The following RBFOX1 variants were observed in gnomAD, a reference collection of about 807,000 sequenced individuals.
RBFOX1 encodes RNA binding fox-1 homolog 1.
RBFOX1 carries 8 observed loss-of-function variants against 57.7 expected under a neutral mutation model. That is an observed-to-expected ratio of 0.14 (90% CI 0.08 to 0.25). The LOEUF (loss-of-function observed/expected upper bound fraction) is 0.25. Among genes scored for constraint, RBFOX1 ranks in the 10% least tolerant of loss-of-function variants. The pLI, the probability that RBFOX1 is intolerant of heterozygous loss-of-function variation, is 1.00. For synonymous variants in RBFOX1, 326 were observed against 222.4 expected (o/e 1.47, Z -4.15); for missense variants, 611 against 548.5 (o/e 1.11, Z -1.14).
intron 4 of RBFOX1, among the ~76,000 whole-genome samples, chr16:7,353,551 A>G (rs569766877): frequency 6.6e-6 from 1 of 152,356 alleles, no homozygotes; most frequent in African/African-American, 2.4e-5. Flanking sequence ...AAAGCATGGA[A>G]ACAGGCTAAA....
At chr16:5,564,862 C>T (rs1036728967) in intron 2 of RBFOX1, among the ~76,000 whole-genome samples, 4 of 152,132 alleles carry the variant, frequency 2.6e-5, no homozygotes, top group Non-Finnish European at 5.9e-5. Context: ...CATCTCACCT[C>T]TTGGATGAGG....
intron 4 of RBFOX1, among the ~76,000 whole-genome samples, chr16:7,477,159 A>C (rs1034089133): frequency 6.6e-6 from 1 of 152,186 alleles, no homozygotes; most frequent in African/African-American, 2.4e-5. Context: ...CACAAAACCA[A>C]CTACAAATAA....
At chr16:7,553,056 A>T (rs1004801171) in intron 5 of RBFOX1, among the ~76,000 whole-genome samples, 1 of 151,950 alleles carries the variant, frequency 6.6e-6, no homozygotes, top group Non-Finnish European at 1.5e-5. Context: ...GAAACAAGGT[A>T]TGTGCTCCTT....
In RBFOX1 at chr16:7,594,188, T is replaced by C. The variant is rs534201887; in HGVS notation, c.469-1361T>C. Among the ~76,000 whole-genome samples the C allele has an allele frequency of 2.0e-5, 3 of 151,994 alleles. No homozygotes were observed. The East Asian group carries it at 5.8e-4, about 30-fold the overall frequency. ...CCCCGCCCTGTGGTCAATACCTCTTTAGCCTTAAATTTGGAGGTGATTATA... is the reference window on the plus strand; with the variant it reads ...CCCCGCCCTGTGGTCAATACCTCTTCAGCCTTAAATTTGGAGGTGATTATA... On this transcript the variant is annotated intron_variant, in intron 7 of 15. Coordinates refer to ENST00000550418, the MANE Select transcript of RBFOX1 (RefSeq NM_018723.4).
At chr16:5,276,242 C>T (rs2878015) in intron 1 of RBFOX1, among the ~76,000 whole-genome samples, 22,593 of 152,134 alleles carry the variant, frequency 0.15, 1,733 homozygotes, top group African/African-American at 0.19. Flanking sequence ...GCAGAGTAAA[C>T]AGATCACCCA....
chr16:7,159,528 T>G (rs1375328446), intron 4 of RBFOX1, among the ~76,000 whole-genome samples: 1 of 152,200 alleles, frequency 6.6e-6, no homozygotes, highest in Non-Finnish European at 1.5e-5. Context: ...GCGCTAGGAC[T>G]ATAGCTTCCA....
chr16:6,688,703 T>C (rs1013937512), intron 3 of RBFOX1, among the ~76,000 whole-genome samples: 3 of 152,142 alleles, frequency 2.0e-5, no homozygotes, highest in Non-Finnish European at 4.4e-5. Context: ...GTTTGTTACA[T>C]AGGTATACAC....
intron 1 of RBFOX1, among the ~76,000 whole-genome samples, chr16:6,226,113 A>C (rs1308787362): frequency 6.6e-6 from 1 of 151,008 alleles, no homozygotes; most frequent in African/African-American, 2.4e-5. Context: ...TAATCCCAGC[A>C]CTTTGGGAGG....
rs1354689437 is a variant in RBFOX1 at position 6,144,856 on chromosome 16, T to C, written c.-127+124864T>C. On this transcript the variant is annotated intron_variant, in intron 1 of 15. Transcript: ENST00000550418. ...ATTGGAACAAACTGTGAATCATCCCTCTTATGCAAGTGCTTGACAGAATAG... is the reference window on the plus strand; with the variant it reads ...ATTGGAACAAACTGTGAATCATCCCCCTTATGCAAGTGCTTGACAGAATAG... Among the ~76,000 whole-genome samples, 10 of 152,318 alleles carry C rather than the reference T, an allele frequency of 6.6e-5. No homozygotes were observed. In the East Asian group the frequency reaches 1.9e-3, roughly 29 times the overall value.
intron 4 of RBFOX1, among the ~76,000 whole-genome samples, chr16:5,906,951 G>T (rs2058473719): frequency 6.6e-6 from 1 of 151,814 alleles, no homozygotes; most frequent in African/African-American, 2.4e-5. Flanking sequence ...TGGTCAGGCT[G>T]GTCTTGAACT....
At chr16:6,325,322 A>C (rs1284480977) in intron 2 of RBFOX1, among the ~76,000 whole-genome samples, 2 of 152,226 alleles carry the variant, frequency 1.3e-5, no homozygotes, top group Non-Finnish European at 2.9e-5. Flanking sequence ...GTGGCACTGC[A>C]CACCAACCTG....
chr16:6,906,436 G>A (rs1476807467), intron 3 of RBFOX1, among the ~76,000 whole-genome samples: 1 of 152,044 alleles, frequency 6.6e-6, no homozygotes, highest in Non-Finnish European at 1.5e-5. Context: ...AATAGCCTCT[G>A]GCCTGTGGAA....
Position 6,936,729 on chromosome 16 carries a change from C to G in RBFOX1, c.-15-115328C>G, listed in dbSNP as rs1281555434. 2.6e-5 allele frequency among the ~76,000 whole-genome samples: 4 copies of G among 151,964 alleles called. 1 individual carries two copies. The highest frequency in any genetic ancestry group is 5.9e-5 in the Non-Finnish European group (4 of 68,020). On this transcript the variant is annotated intron_variant, in intron 3 of 15. Transcript: ENST00000550418. Reference sequence around the variant, plus strand: ...AATATTAAAACAAAAACTCATACAGCTAGAGGTAGGGTAATTCCATACTGT... The same window carrying G: ...AATATTAAAACAAAAACTCATACAGGTAGAGGTAGGGTAATTCCATACTGT...
intron 2 of RBFOX1, among the ~76,000 whole-genome samples, chr16:6,371,751 C>G (rs561735879): frequency 6.6e-6 from 1 of 152,310 alleles, no homozygotes; most frequent in African/African-American, 2.4e-5. Flanking sequence ...AAAATACACA[C>G]ATGCACATAC....
At chr16:7,356,511 G>A (rs1210605541) in intron 4 of RBFOX1, among the ~76,000 whole-genome samples, 1 of 152,150 alleles carries the variant, frequency 6.6e-6, no homozygotes, top group Admixed American at 6.5e-5. Context: ...AGCCTGGCAG[G>A]AAATGATGTC....
At chr16:5,257,857 G>C (rs9937318) in intron 1 of RBFOX1, among the ~76,000 whole-genome samples, 51,471 of 151,770 alleles carry the variant, frequency 0.34, 8,949 homozygotes, top group African/African-American at 0.42. Flanking sequence ...GGGGTGGGGG[G>C]GAAATGGGAT....
chr16:6,951,127 A>C (rs1023899847), intron 3 of RBFOX1, among the ~76,000 whole-genome samples: 1 of 152,052 alleles, frequency 6.6e-6, no homozygotes, highest in African/African-American at 2.4e-5. Context: ...GGCTGGTCTT[A>C]AACTCCTGGA....
intron 4 of RBFOX1, among the ~76,000 whole-genome samples, chr16:5,961,433 C>T (rs991012791): frequency 6.6e-6 from 1 of 151,856 alleles, no homozygotes; most frequent in Non-Finnish European, 1.5e-5. Flanking sequence ...TTACTTCACA[C>T]TATATTTGTT....
At chr16:5,642,167 A>G (rs918741339) in intron 3 of RBFOX1, among the ~76,000 whole-genome samples, 1 of 152,212 alleles carries the variant, frequency 6.6e-6, no homozygotes, top group African/African-American at 2.4e-5. Flanking sequence ...TCATTGAATC[A>G]GTCTGTCGGG....
Sources: gnomAD v4.1 joint callset for allele counts (sites outside exome capture counted in the v4.1 genomes callset) on GRCh38, gnomAD v4.1.1 for gene constraint, MANE v1.5 for transcripts, NCBI Gene and HGNC (gene_info 2026-07-23, HGNC 2026-07-21) for gene names.